Variants in OTOG observed in about 807,000 individuals in gnomAD.
The protein encoded by OTOG is otogelin.
Under a neutral mutation model 313.8 loss-of-function variants are expected in OTOG, and 296 were observed. The ratio of observed to expected loss-of-function variants is 0.94; its 90% confidence interval spans 0.86 to 1.04. OTOG has a LOEUF of 1.04. OTOG is among the 50% of genes least tolerant of loss of function. The probability of loss-of-function intolerance (pLI) is 0.00; values close to 1 mark genes in which losing one functional copy is unlikely to be tolerated. For missense variants in OTOG, 3,948 were observed against 3,840.1 expected, an observed-to-expected ratio of 1.03 and a Z score of -0.74; for synonymous variants, 1,533 against 1,554.9, an observed-to-expected ratio of 0.99 and a Z score of 0.33.
Position 17,573,118 on chromosome 11 carries a change from G to C in OTOG, c.2121G>C (p.Glu707Asp), listed in dbSNP as rs1325076464. The C allele has an allele frequency of 1.3e-6, 2 of 1,547,978 alleles. No individual in the cohort carries two copies. Among genetic ancestry groups the C allele is most frequent in the African/African-American group, 1.4e-5 (1 of 73,174 alleles). Reference protein sequence around the residue: ...SVQACSVLTGEMFAPCSAFLS... With the variant: ...SVQACSVLTGDMFAPCSAFLS... Reference sequence around the variant, plus strand: ...AGGCCTGCAGCGTGCTCACGGGGGAGATGTTTGCGCCCTGCTCTGCGTTCC... The same window carrying C: ...AGGCCTGCAGCGTGCTCACGGGGGACATGTTTGCGCCCTGCTCTGCGTTCC... Residue 707 changes from glutamate to aspartate, a missense_variant, in exon 19 of 56, where the codon GAG becomes GAC. By Grantham distance (45) the Glu-to-Asp change is conservative. Transcript: ENST00000399397.
chr11:17,638,183 G>A (rs918722626), intron 47 of OTOG, among the ~76,000 whole-genome samples: 2 of 152,218 alleles, frequency 1.3e-5, no homozygotes, highest in African/African-American at 4.8e-5. Flanking sequence ...CTCTTGCAGG[G>A]TGACTGCAGA....
intron 48 of OTOG, chr11:17,639,014 C>T: frequency 2.9e-6 from 1 of 348,054 alleles, no homozygotes; most frequent in Non-Finnish European, 5.6e-6. Context: ...GATAGCGCCA[C>T]TGCACTCCAG....
Position 17,645,788 on chromosome 11 carries a change from C to T in OTOG, c.8586C>T (p.Ile2862=). The change falls in exon 56 of 56, where the codon ATC becomes ATT. Residue 2862 remains isoleucine (I), a synonymous_variant. Coordinates refer to ENST00000399397, the MANE Select transcript of OTOG (RefSeq NM_001292063.2). The part of the protein sequence containing the change: ...SCDGRCPSAS[I]YNYNINTYAR... Reference sequence around the variant, plus strand: ...ATGGGAGGTGCCCATCCGCCAGCATCTACAACTACAACATCAACACCTATG... The same window carrying T: ...ATGGGAGGTGCCCATCCGCCAGCATTTACAACTACAACATCAACACCTATG... 6.4e-7 allele frequency: 1 copy of T among 1,551,102 alleles called. No homozygotes were observed.
At position 17,610,131 on chromosome 11, in the gene OTOG, C is replaced by T. The variant is rs1448783957; in HGVS notation, c.4831C>T (p.Pro1611Ser). 34 of 1,550,514 alleles carry T rather than the reference C, an allele frequency of 2.2e-5. No homozygotes were observed. Among genetic ancestry groups the T allele is most frequent in the Non-Finnish European group, 2.9e-5 (33 of 1,146,984 alleles). The stretch of plus-strand genomic sequence containing the variant: ...AGTCTCCTCCCGGTCGCCCCCTGCC[C>T]CTCGCTTCCCGCTCATGACCAAGGC... ...ITVSSRSPPA[P>S]RFPLMTKAVT... Residue 1611 changes from proline (P) to serine (S), a missense_variant, in exon 36 of 56, where the codon CCT becomes TCT. Pro to Ser is a moderately conservative substitution (Grantham distance 74, BLOSUM62 -1). Transcript: ENST00000399397.
At chr11:17,558,951 G>A in intron 10 of OTOG, 101 bp from the exon 11 acceptor site, 1 of 948,298 alleles carries the variant, frequency 1.1e-6, no homozygotes. Context: ...GCTGGGTGGA[G>A]AGGAGAGATG....
Position 17,558,054 on chromosome 11 carries a change from G to A in OTOG, c.866-131G>A, listed in dbSNP as rs775294338. 3 of 1,158,688 alleles carry A rather than the reference G, an allele frequency of 2.6e-6. No homozygotes were observed. In the East Asian group the frequency reaches 7.8e-5, roughly 30 times the overall value. The allele number at this position is 1,158,688 out of a possible 1,614,324, so 71.8% of individuals were successfully genotyped here. Reference sequence around the variant, plus strand: ...AGTTGGGAAACCCTGATTGGGATGGGAGCTCAGGAGACCGGATTCTTCAAA... The same window carrying A: ...AGTTGGGAAACCCTGATTGGGATGGAAGCTCAGGAGACCGGATTCTTCAAA... On this transcript the variant is annotated intron_variant, in intron 8 of 55. Coordinates refer to ENST00000399397, the MANE Select transcript of OTOG (RefSeq NM_001292063.2).
At chr11:17,634,001 G>A in intron 43 of OTOG, 68 bp from the exon 44 acceptor site, 1 of 1,497,846 alleles carries the variant, frequency 6.7e-7, no homozygotes, top group South Asian at 1.3e-5. Flanking sequence ...AAACCAGGGA[G>A]AGTCTAGCCT....
At position 17,611,441 on chromosome 11, in the gene OTOG, G is replaced by A. The variant is rs1474897714; in HGVS notation, c.6123+18G>A. The A allele has an allele frequency of 6.7e-7, 1 of 1,496,234 alleles. No homozygotes were observed. 92.7% of individuals were successfully genotyped at this position (1,496,234 alleles called of 1,614,324 possible). ...CCTGTGTTGTGAGTGATTTGCCAGG[G>A]TTCTGGCCACCCGTATGTGACCCTT... On this transcript the variant is annotated intron_variant, in intron 36 of 55. Transcript: ENST00000399397.
chr11:17,558,336 C>T (rs1023258093), intron 9 of OTOG, 21 bp downstream of exon 9: 11 of 1,549,882 alleles, frequency 7.1e-6, no homozygotes, highest in African/African-American at 1.4e-5. Flanking sequence ...TGGGGAGAAA[C>T]TCCCCTACCC....
At chr11:17,637,893 C>T (rs1590060000) in intron 47 of OTOG, among the ~76,000 whole-genome samples, 1 of 152,200 alleles carries the variant, frequency 6.6e-6, no homozygotes, top group Non-Finnish European at 1.5e-5. Flanking sequence ...CGCCCCTCCC[C>T]TATCCACCAA....
At chr11:17,574,659 C>T (rs1852477979) in intron 19 of OTOG, 61 bp from the exon 20 acceptor site, 2 of 1,430,208 alleles carry the variant, frequency 1.4e-6, no homozygotes, top group Non-Finnish European at 9.5e-7. Context: ...ATGACAGCCC[C>T]ACTCCACATA....
intron 54 of OTOG, 53 bp downstream of exon 54, chr11:17,643,559 G>C (rs1848016714): frequency 7.7e-7 from 1 of 1,294,138 alleles, no homozygotes; most frequent in Middle Eastern, 2.0e-4. Flanking sequence ...GGGGGCACAG[G>C]GTGTCATGTC....
At chr11:17,575,415 G>T (rs1852501954) in intron 20 of OTOG, among the ~76,000 whole-genome samples, 1 of 152,166 alleles carries the variant, frequency 6.6e-6, no homozygotes. Flanking sequence ...TGTTACTTGA[G>T]GTGGGCCTGG....
At chr11:17,566,551 C>T (rs1260001162) in intron 15 of OTOG, among the ~76,000 whole-genome samples, 3 of 152,150 alleles carry the variant, frequency 2.0e-5, no homozygotes, top group Non-Finnish European at 4.4e-5. Flanking sequence ...ACTGATGGTC[C>T]AATTCTAATC....
At chr11:17,613,195 T>TTTCCTTTCTTTC (rs1401646180) in intron 38 of OTOG, among the ~76,000 whole-genome samples, 33 of 65,368 alleles carry the variant, frequency 5.0e-4, no homozygotes, top group Admixed American at 4.1e-3. Flanking sequence ...TCTTTCTTTC[T>TTTCCTTTCTTTC]TTTCTTTCTT....
chr11:17,641,446 T>G (rs898115501), intron 51 of OTOG, among the ~76,000 whole-genome samples: 4 of 152,208 alleles, frequency 2.6e-5, no homozygotes, highest in Non-Finnish European at 5.9e-5. Context: ...GGATGGTGAC[T>G]GGCTTCTAGT....
chr11:17,552,108 G>T (rs1364030084), intron 4 of OTOG, 33 bp downstream of exon 4: 2 of 1,542,394 alleles, frequency 1.3e-6, no homozygotes. Flanking sequence ...TCCATGGGTT[G>T]TGCATGGGAG....
Position 17,634,965 on chromosome 11 carries a change from G to A in OTOG, c.7585+17G>A, listed in dbSNP as rs1219068989. 8 of 1,499,494 alleles carry A rather than the reference G, an allele frequency of 5.3e-6. No individual in the cohort carries two copies. Among genetic ancestry groups the A allele is most frequent in the South Asian group, 3.6e-5 (3 of 82,656 alleles). The allele number at this position is 1,499,494 out of a possible 1,614,324, so 92.9% of individuals were successfully genotyped here. On this transcript the variant is annotated intron_variant, in intron 45 of 55. Coordinates refer to ENST00000399397, the MANE Select transcript of OTOG (RefSeq NM_001292063.2). ...ACAGCTGTGGTGAGAGGCCCGGGGT[G>A]GGGAGGGTGGGGGACGGACTGAGGG...
At chr11:17,558,467 G>A (rs1852102669) in intron 9 of OTOG, 71 bp from the exon 10 acceptor site, 2 of 1,533,424 alleles carry the variant, frequency 1.3e-6, no homozygotes, top group African/African-American at 1.4e-5. Context: ...CACAGCTCAA[G>A]TTGGGGTTCT....
Sources: allele counts gnomAD v4.1 joint callset (sites outside exome capture counted in the v4.1 genomes callset), GRCh38; gene constraint gnomAD v4.1.1; transcripts MANE v1.5; gene names NCBI Gene and HGNC (gene_info 2026-07-23, HGNC 2026-07-21).